Variants in ADGRB1 observed in about 807,000 individuals in gnomAD.
ADGRB1 encodes adhesion G protein-coupled receptor B1.
A neutral mutation model predicts 175.7 loss-of-function variants in ADGRB1; 36 were observed. The observed-to-expected ratio is 0.20, with a 90% CI of 0.16 to 0.27. The LOEUF (loss-of-function observed/expected upper bound fraction) is 0.27, where lower values mean the gene tolerates loss of function less well. Ranked by LOEUF, ADGRB1 falls within the 10% of genes least tolerant of loss-of-function variation. The pLI, the probability that ADGRB1 is intolerant of heterozygous loss-of-function variation, is 1.00. For synonymous variants in ADGRB1, 1,054 were observed against 979.4 expected (o/e 1.08, Z -1.42); for missense variants, 1,731 against 2,255.3 (o/e 0.77, Z 4.71).
chr8:142,488,937 C>A, intron 14 of ADGRB1, 98 bp from the exon 15 acceptor site: 2 of 1,395,684 alleles, frequency 1.4e-6, no homozygotes, highest in Non-Finnish European at 2.0e-6. Flanking sequence ...TGAAGATGGG[C>A]GGCAGATGCC....
intron 17 of ADGRB1, among the ~76,000 whole-genome samples, chr8:142,491,483 C>A (rs542172796): frequency 6.6e-6 from 1 of 152,202 alleles, no homozygotes; most frequent in African/African-American, 2.4e-5. Context: ...AAGAGAAGCT[C>A]GCCCAGTCAC....
chr8:142,525,205 G>A (rs748993093), intron 23 of ADGRB1, among the ~76,000 whole-genome samples: 4 of 151,940 alleles, frequency 2.6e-5, no homozygotes, highest in Non-Finnish European at 2.9e-5. Context: ...CGCCATCCTT[G>A]GGCAGCCCCA....
At chr8:142,452,932 G>A (rs920119860) in intron 1 of ADGRB1, among the ~76,000 whole-genome samples, 1 of 147,744 alleles carries the variant, frequency 6.8e-6, no homozygotes, top group Non-Finnish European at 1.5e-5. Context: ...CGCCCGCACC[G>A]CGCCCGCGCG....
chr8:142,472,456 C>T (rs1474619085), intron 2 of ADGRB1, among the ~76,000 whole-genome samples: 5 of 152,198 alleles, frequency 3.3e-5, no homozygotes, highest in Non-Finnish European at 2.9e-5. Flanking sequence ...CTTGCTGCTC[C>T]TCTGCTGCCC....
intron 2 of ADGRB1, among the ~76,000 whole-genome samples, chr8:142,469,405 A>C (rs753559788): frequency 2.3e-4 from 30 of 131,930 alleles, no homozygotes; most frequent in Non-Finnish European, 3.0e-4. Flanking sequence ...GCACATGCAG[A>C]TGTGAATGTG....
intron 25 of ADGRB1, 68 bp downstream of exon 25, chr8:142,533,534 T>C: frequency 6.7e-7 from 1 of 1,483,340 alleles, no homozygotes; most frequent in Non-Finnish European, 9.1e-7. Context: ...GGCCTCCTCC[T>C]TCCCCGAGGA....
At chr8:142,529,828 G>C (rs1056051843) in intron 24 of ADGRB1, among the ~76,000 whole-genome samples, 2 of 151,068 alleles carry the variant, frequency 1.3e-5, no homozygotes, top group African/African-American at 2.4e-5. Flanking sequence ...GTGCAACCCG[G>C]TGTGTGTATG....
At chr8:142,490,985 A>G (rs1183247063) in intron 17 of ADGRB1, among the ~76,000 whole-genome samples, 170 bp downstream of exon 17, 1 of 152,120 alleles carries the variant, frequency 6.6e-6, no homozygotes, top group Non-Finnish European at 1.5e-5. Context: ...CTGGCTCTGG[A>G]GCCCACCAGG....
In ADGRB1 at chr8:142,510,971, G is replaced by A; in HGVS notation, c.2715G>A (p.Ser905=). 1 of 1,317,778 alleles carries A rather than the reference G, an allele frequency of 7.6e-7. No homozygotes were observed. Among genetic ancestry groups the A allele is most frequent in the Non-Finnish European group, 9.8e-7 (1 of 1,017,094 alleles). The allele number at this position is 1,317,778 out of a possible 1,614,324, so 81.6% of individuals were successfully genotyped here. A position where few individuals can be genotyped will look rare whatever the true frequency, so the allele number is the denominator to read the frequency against. ...CCCCCCCGCAGCTCGGGCCCTGGTC[G>A]TGGCGCGGCTGCCGCACGGTGCCCC... ...SSAPPQLGPW[S]WRGCRTVPLD... Residue 905 remains serine (S), a synonymous_variant, in exon 18 of 31, where the codon TCG becomes TCA. Coordinates refer to ENST00000517894, the MANE Select transcript of ADGRB1 (RefSeq NM_001702.3). The surrounding 1 kb of genome is among the most constrained non-coding windows in gnomAD (Gnocchi z 6.3).
chr8:142,521,634 C>T (rs1337527545), intron 20 of ADGRB1, among the ~76,000 whole-genome samples: 7 of 152,242 alleles, frequency 4.6e-5, no homozygotes, highest in Non-Finnish European at 1.0e-4. Flanking sequence ...GACGTGCCCT[C>T]CCTGGGCCTT....
chr8:142,486,718 C>T (rs554799050), intron 13 of ADGRB1, among the ~76,000 whole-genome samples: 1 of 152,302 alleles, frequency 6.6e-6, no homozygotes, highest in South Asian at 2.1e-4. Context: ...TAGCATTAAC[C>T]TTTTAAATTA....
chr8:142,500,412 C>CGCCTT, intron 17 of ADGRB1, among the ~76,000 whole-genome samples: 1 of 137,464 alleles, frequency 7.3e-6, no homozygotes, highest in East Asian at 2.2e-4. Context: ...CCCTACACCG[C>CGCCTT]TCCTCCACCA....
chr8:142,474,750 C>T lies in ADGRB1; in HGVS notation c.785-724C>T, dbSNP rs1158412926. Among the ~76,000 whole-genome samples the T allele has an allele frequency of 1.3e-5, 2 of 152,268 alleles. No individual in the cohort carries two copies. The highest frequency in any genetic ancestry group is 1.3e-4 in the Admixed American group (2 of 15,296). ...CTGTCGGGGCAGGGATGGAGAAAGA[C>T]TCACTAGAGAAGCTGAACAGAGCGG... On this transcript the variant is annotated intron_variant, in intron 2 of 30. Transcript: ENST00000517894. The surrounding 1 kb of genome is among the most constrained non-coding windows in gnomAD (Gnocchi z 5.8).
chr8:142,490,680 G>C, intron 16 of ADGRB1, 92 bp from the exon 17 acceptor site: 1 of 1,421,284 alleles, frequency 7.0e-7, no homozygotes, highest in Non-Finnish European at 9.7e-7. Flanking sequence ...AGCATGCCTG[G>C]TAGCACACCT....
chr8:142,465,015 G>A (rs1054779457), intron 2 of ADGRB1, 33 bp downstream of exon 2: 7 of 1,441,026 alleles, frequency 4.9e-6, no homozygotes, highest in Non-Finnish European at 6.4e-6. Context: ...TTCGGACAGG[G>A]GAGGTGGGCA....
intron 3 of ADGRB1, among the ~76,000 whole-genome samples, chr8:142,475,894 C>A (rs1242128053): frequency 2.8e-4 from 2 of 7,088 alleles, no homozygotes; most frequent in Non-Finnish European, 9.2e-4. Context: ...AGGACCTAAA[C>A]TCGGGGCTGG....
chr8:142,460,997 T>C (rs1358823912), intron 1 of ADGRB1, among the ~76,000 whole-genome samples: 1 of 151,954 alleles, frequency 6.6e-6, no homozygotes, highest in African/African-American at 2.4e-5. Context: ...CCTAAGAGGG[T>C]TCAAGGCGTG....
At chr8:142,487,722 G>A (rs938063726) in intron 13 of ADGRB1, among the ~76,000 whole-genome samples, 1 of 152,016 alleles carries the variant, frequency 6.6e-6, no homozygotes, top group Admixed American at 6.5e-5. Context: ...TCGTCCCCAC[G>A]TCCATTTGCC....
chr8:142,539,501 A>G, intron 27 of ADGRB1, 88 bp downstream of exon 27: 1 of 1,475,750 alleles, frequency 6.8e-7, no homozygotes, highest in African/African-American at 1.4e-5. Context: ...CCCCCACATC[A>G]CCCATCCCTG....
Sources: allele counts gnomAD v4.1 joint callset (sites outside exome capture counted in the v4.1 genomes callset), GRCh38; gene constraint gnomAD v4.1.1; non-coding constraint Gnocchi (gnomAD v3.1); transcripts MANE v1.5; gene names NCBI Gene and HGNC (gene_info 2026-07-23, HGNC 2026-07-21).